LDB2: variants seen among roughly 807,000 people sequenced by gnomAD.
LDB2 encodes LIM domain binding 2, also known as LIM domain-binding protein 2.
LDB2 carries 12 observed loss-of-function variants against 44.3 expected under a neutral mutation model. That is an observed-to-expected ratio of 0.27 (90% CI 0.17 to 0.44). LDB2 has a LOEUF of 0.44. LDB2 is among the 20% of genes least tolerant of loss of function. The probability of loss-of-function intolerance (pLI) is 1.00; values close to 1 mark genes in which losing one functional copy is unlikely to be tolerated. For synonymous variants in LDB2, 164 were observed against 174.8 expected (o/e 0.94, Z 0.49); for missense variants, 344 against 473.5 (o/e 0.73, Z 2.54).
At chr4:16,512,140 T>G in intron 5 of LDB2, 36 bp from the exon 6 acceptor site, 3 of 1,538,242 alleles carry the variant, frequency 2.0e-6, no homozygotes, top group South Asian at 2.5e-5. Flanking sequence ...ATTTCACTAC[T>G]TCATAACACT....
At chr4:16,509,647 GT>G (rs1241144607) in intron 6 of LDB2, among the ~76,000 whole-genome samples, 1 of 152,006 alleles carries the variant, frequency 6.6e-6, no homozygotes, top group Non-Finnish European at 1.5e-5. Context: ...TGTAATCTTT[GT>G]TTCATAAATG....
At chr4:16,891,485 G>T (rs1171996942) in intron 1 of LDB2, among the ~76,000 whole-genome samples, 2 of 151,752 alleles carry the variant, frequency 1.3e-5, no homozygotes, top group African/African-American at 4.8e-5. Flanking sequence ...GTTAATTTTT[G>T]TATTTTTAGT....
chr4:16,745,106 T>G (rs1261377910), intron 2 of LDB2, among the ~76,000 whole-genome samples: 1 of 152,224 alleles, frequency 6.6e-6, no homozygotes, highest in Non-Finnish European at 1.5e-5. Context: ...GAAGCCAAGC[T>G]TGTCTGACTC....
Position 16,813,932 on chromosome 4 carries a change from C to T in LDB2, c.133-54672G>A, listed in dbSNP as rs368174642. Among the ~76,000 whole-genome samples the T allele has an allele frequency of 6.9e-4, 104 of 150,490 alleles. 1 individual carries two copies. The East Asian group carries it at 0.011, about 16-fold the overall frequency. ...TGTCGCCCAGGCTGGAGTGCAGTGGCGCGATCTCGGCTCACTGCAAGCTCT... is the reference window on the plus strand; with the variant it reads ...TGTCGCCCAGGCTGGAGTGCAGTGGTGCGATCTCGGCTCACTGCAAGCTCT... On this transcript the variant is annotated intron_variant, in intron 1 of 7. Coordinates refer to ENST00000304523, the MANE Select transcript of LDB2 (RefSeq NM_001290.5).
Position 16,865,186 on chromosome 4 carries a change from A to G in LDB2, c.132+33168T>C, listed in dbSNP as rs1284608966. On this transcript the variant is annotated intron_variant, in intron 1 of 7. Coordinates refer to ENST00000304523, the MANE Select transcript of LDB2 (RefSeq NM_001290.5). ...AGAATCACTTGAAGCTTGGGGGTGGAGGTTGCAGTAAGCAGAGACAGCGCC... is the reference window on the plus strand; with the variant it reads ...AGAATCACTTGAAGCTTGGGGGTGGGGGTTGCAGTAAGCAGAGACAGCGCC... Among the ~76,000 whole-genome samples the G allele has an allele frequency of 3.3e-5, 5 of 152,246 alleles. No homozygotes were observed. The East Asian group carries it at 7.7e-4, about 24-fold the overall frequency.
At chr4:16,641,202 G>A (rs1467671295) in intron 2 of LDB2, among the ~76,000 whole-genome samples, 5 of 152,178 alleles carry the variant, frequency 3.3e-5, no homozygotes, top group African/African-American at 1.2e-4. Flanking sequence ...CATTTTAGGA[G>A]AAGCTGACTT....
intron 2 of LDB2, among the ~76,000 whole-genome samples, chr4:16,619,964 T>G (rs1309175867): frequency 6.6e-6 from 1 of 152,196 alleles, no homozygotes; most frequent in Non-Finnish European, 1.5e-5. Context: ...CTTTAAATAC[T>G]ATGGAAAGGA....
chr4:16,854,368 C>T (rs1320772930), intron 1 of LDB2, among the ~76,000 whole-genome samples: 1 of 146,396 alleles, frequency 6.8e-6, no homozygotes, highest in Non-Finnish European at 1.5e-5. Flanking sequence ...TTATATAATT[C>T]TGTTGTGGGT....
intron 2 of LDB2, among the ~76,000 whole-genome samples, chr4:16,693,344 G>GTTTTTT (rs1578832892): frequency 8.1e-6 from 1 of 123,548 alleles, no homozygotes; most frequent in East Asian, 3.5e-4. Flanking sequence ...TAGAGCAATA[G>GTTTTTT]TTCTTTTTTT....
intron 2 of LDB2, among the ~76,000 whole-genome samples, chr4:16,665,900 T>A (rs1482290274): frequency 6.6e-6 from 1 of 152,120 alleles, no homozygotes; most frequent in Non-Finnish European, 1.5e-5. Context: ...GGAGGCCATG[T>A]GAAGAAGGAG....
chr4:16,829,106 G>T (rs1224804857), intron 1 of LDB2, among the ~76,000 whole-genome samples: 1 of 152,166 alleles, frequency 6.6e-6, no homozygotes, highest in Non-Finnish European at 1.5e-5. Flanking sequence ...CCTTACTCAT[G>T]CTAAGCAGAG....
chr4:16,619,161 C>A lies in LDB2; in HGVS notation c.236-23286G>T, dbSNP rs565415693. 7.6e-4 allele frequency among the ~76,000 whole-genome samples: 115 copies of A among 152,188 alleles called. 1 individual carries two copies. The highest frequency in any genetic ancestry group is 2.6e-3 in the African/African-American group (108 of 41,526). On this transcript the variant is annotated intron_variant, in intron 2 of 7. Coordinates refer to ENST00000304523, the MANE Select transcript of LDB2 (RefSeq NM_001290.5). ...AGAATGGACTAATAACCAGGAGAACCAATGGGATCCTTAGAAAACAAAAAC... is the reference window on the plus strand; with the variant it reads ...AGAATGGACTAATAACCAGGAGAACAAATGGGATCCTTAGAAAACAAAAAC...
At chr4:16,659,689 A>ATATATATATATATATATATG (rs1310756163) in intron 2 of LDB2, among the ~76,000 whole-genome samples, 1,541 of 139,942 alleles carry the variant, frequency 0.011, 26 homozygotes, top group Non-Finnish European at 0.016. Flanking sequence ...ATATATATAT[A>ATATATATATATATATATATG]TATGTATGTA....
chr4:16,595,813 G>T lies in LDB2; in HGVS notation c.298C>A (p.Leu100Met). 1 of 1,613,664 alleles carries T rather than the reference G, an allele frequency of 6.2e-7. No homozygotes were observed. The highest frequency in any genetic ancestry group is 8.5e-7 in the Non-Finnish European group (1 of 1,179,790). Reference sequence around the variant, plus strand: ...TTCGAGTGTTTGAGAATGTAATACAGGTCGGTCACCCCTCCTTCAAACACA... The same window carrying T: ...TTCGAGTGTTTGAGAATGTAATACATGTCGGTCACCCCTCCTTCAAACACA... Reference protein sequence around the residue: ...STVFEGGVTDLYYILKHSKES... With the variant: ...STVFEGGVTDMYYILKHSKES... Residue 100 changes from leucine (L) to methionine (M), a missense_variant, in exon 3 of 8, where the codon CTG becomes ATG. Coordinates refer to ENST00000304523, the MANE Select transcript of LDB2 (RefSeq NM_001290.5).
intron 1 of LDB2, among the ~76,000 whole-genome samples, chr4:16,788,403 G>A (rs1774960439): frequency 1.3e-5 from 2 of 152,352 alleles, no homozygotes; most frequent in South Asian, 4.1e-4. Context: ...TAAAATTGAA[G>A]TGAAAAGAAA....
intron 7 of LDB2, among the ~76,000 whole-genome samples, chr4:16,507,741 G>A (rs1306461804): frequency 1.3e-5 from 2 of 152,126 alleles, no homozygotes; most frequent in South Asian, 2.1e-4. Context: ...CTTTAAAGGA[G>A]CAAAGTACTT....
intron 2 of LDB2, among the ~76,000 whole-genome samples, chr4:16,732,076 G>A (rs1054537436): frequency 6.6e-6 from 1 of 152,106 alleles, no homozygotes; most frequent in Non-Finnish European, 1.5e-5. Context: ...ATCTCAAGTT[G>A]CTTAGATTCT....
At chr4:16,783,730 T>G (rs1046643283) in intron 1 of LDB2, among the ~76,000 whole-genome samples, 9 of 152,374 alleles carry the variant, frequency 5.9e-5, no homozygotes, top group African/African-American at 1.4e-4. Context: ...TGTTCCTAAT[T>G]GCTTCCTCAT....
chr4:16,887,707 AAG>A (rs1182725860), intron 1 of LDB2, among the ~76,000 whole-genome samples: 1 of 152,056 alleles, frequency 6.6e-6, no homozygotes, highest in Admixed American at 6.6e-5. Context: ...AAGAAAAAAA[AAG>A]GGCTACAAAT....
Sources: gnomAD v4.1 joint callset for allele counts (sites outside exome capture counted in the v4.1 genomes callset) on GRCh38, gnomAD v4.1.1 for gene constraint, MANE v1.5 for transcripts, NCBI Gene and HGNC (gene_info 2026-07-23, HGNC 2026-07-21) for gene names.